USP25: variants seen among roughly 807,000 people sequenced by gnomAD.
The protein encoded by USP25 is ubiquitin carboxyl-terminal hydrolase 25.
A neutral mutation model predicts 158.5 loss-of-function variants in USP25; 85 were observed. The observed-to-expected ratio is 0.54, with a 90% CI of 0.45 to 0.64. The LOEUF (loss-of-function observed/expected upper bound fraction) is 0.64, where lower values mean the gene tolerates loss of function less well. Ranked by LOEUF, USP25 falls within the 30% of genes least tolerant of loss-of-function variation. The pLI is 0.00. For synonymous variants in USP25, 464 were observed against 460.4 expected (o/e 1.01, Z -0.10); for missense variants, 1,242 against 1,327.3 (o/e 0.94, Z 1.00).
intron 20 of USP25, among the ~76,000 whole-genome samples, chr21:15,854,112 G>A (rs1406290457): frequency 6.6e-6 from 1 of 151,912 alleles, no homozygotes; most frequent in Admixed American, 6.6e-5. Context: ...TGTGCTTAGT[G>A]TATTATAAAT....
chr21:15,783,932 T>C (rs1327685820), intron 4 of USP25, among the ~76,000 whole-genome samples: 1 of 152,010 alleles, frequency 6.6e-6, no homozygotes, highest in African/African-American at 2.4e-5. Context: ...ATCGCGCCAC[T>C]GCACTCCAGC....
At chr21:15,780,867 T>C (rs903404941) in intron 4 of USP25, among the ~76,000 whole-genome samples, 3 of 152,162 alleles carry the variant, frequency 2.0e-5, no homozygotes, top group African/African-American at 7.2e-5. Context: ...TAGAAATCTT[T>C]TAAAATTGAT....
chr21:15,850,882 A>C (rs554492279), intron 20 of USP25, among the ~76,000 whole-genome samples: 75 of 152,188 alleles, frequency 4.9e-4, no homozygotes, highest in African/African-American at 1.7e-3. Flanking sequence ...TACAGGATTT[A>C]AAGTGCTAAA....
chr21:15,818,258 TTTC>T (rs2037049984), intron 9 of USP25, among the ~76,000 whole-genome samples: 1 of 151,860 alleles, frequency 6.6e-6, no homozygotes, highest in African/African-American at 2.4e-5. Flanking sequence ...TCATCACAAC[TTTC>T]TTTTTATAAC....
chr21:15,867,482 GC>G (rs1452990790), intron 22 of USP25, among the ~76,000 whole-genome samples: 2 of 152,000 alleles, frequency 1.3e-5, no homozygotes, highest in African/African-American at 4.8e-5. Context: ...TAAAACTGCA[GC>G]AAATATATAG....
At chr21:15,762,703 C>CA (rs1034982743) in intron 1 of USP25, among the ~76,000 whole-genome samples, 188 bp from the exon 2 acceptor site, 19 of 152,168 alleles carry the variant, frequency 1.2e-4, no homozygotes, top group African/African-American at 4.6e-4. Context: ...GGGTTCTCCA[C>CA]AGCATGATTC....
intron 16 of USP25, among the ~76,000 whole-genome samples, chr21:15,832,708 C>T (rs2037862342): frequency 6.7e-6 from 1 of 149,542 alleles, no homozygotes. Flanking sequence ...TATTACATCA[C>T]TGTTAGAGTA....
In USP25 at chr21:15,842,494, C is replaced by T. The variant is rs1307315561; in HGVS notation, c.2291C>T (p.Ala764Val). Residue 764 changes from alanine (A) to valine (V), a missense_variant, in exon 18 of 26, where the codon GCA becomes GTA. Physicochemically the swap from Ala to Val is moderately conservative, Grantham distance 64. Transcript: ENST00000400183. The stretch of plus-strand genomic sequence containing the variant: ...GAAACTATTCAAATAATTACCAAGG[C>T]ATCACATGAGCATGAAGATAAAAGT... ...KEETIQIITK[A>V]SHEHEDKSPE... 2 of 1,613,620 alleles carry T rather than the reference C, an allele frequency of 1.2e-6. No individual in the cohort carries two copies. The highest frequency in any genetic ancestry group is 1.7e-6 in the Non-Finnish European group (2 of 1,179,762).
chr21:15,860,509 TTAG>T (rs1367759606), intron 20 of USP25, among the ~76,000 whole-genome samples: 2 of 152,128 alleles, frequency 1.3e-5, no homozygotes, highest in Non-Finnish European at 2.9e-5. Flanking sequence ...TATTCCCATA[TTAG>T]TATAGTTTTT....
At chr21:15,846,144 ATATATATATATATATT>A (rs1568882522) in intron 18 of USP25, among the ~76,000 whole-genome samples, 7 of 58,766 alleles carry the variant, frequency 1.2e-4, no homozygotes, top group African/African-American at 4.1e-4. Flanking sequence ...ATATATATAT[ATATATATATATATATT>A]TTTTTTTTTT....
chr21:15,868,530 C>A (rs1022138341), intron 22 of USP25, among the ~76,000 whole-genome samples: 4 of 152,126 alleles, frequency 2.6e-5, no homozygotes, highest in Admixed American at 2.6e-4. Context: ...AACTGCAGGG[C>A]TGTTAAATCA....
intron 3 of USP25, among the ~76,000 whole-genome samples, chr21:15,773,731 G>T (rs972976308): frequency 6.6e-6 from 1 of 152,042 alleles, no homozygotes; most frequent in Non-Finnish European, 1.5e-5. Context: ...GAGCTTTTGG[G>T]TACATAAAAT....
At chr21:15,773,694 C>T (rs2034484096) in intron 3 of USP25, among the ~76,000 whole-genome samples, 1 of 152,150 alleles carries the variant, frequency 6.6e-6, no homozygotes, top group Non-Finnish European at 1.5e-5. Flanking sequence ...GACCCCTTTA[C>T]ACTCATAAAA....
chr21:15,847,566 C>A, intron 18 of USP25, 97 bp from the exon 19 acceptor site: 1 of 778,782 alleles, frequency 1.3e-6, no homozygotes, highest in Non-Finnish European at 2.1e-6. Flanking sequence ...TACAGGGCTG[C>A]TGCTTAGGGA....
At chr21:15,808,748 C>A in intron 7 of USP25, 61 bp from the exon 8 acceptor site, 1 of 1,283,900 alleles carries the variant, frequency 7.8e-7, no homozygotes, top group South Asian at 1.4e-5. Flanking sequence ...TTTGATGTTA[C>A]AACATCTAGT....
chr21:15,866,476 A>G (rs555647998), intron 22 of USP25, 132 bp downstream of exon 22: 2 of 481,694 alleles, frequency 4.2e-6, no homozygotes, highest in South Asian at 6.6e-5. Context: ...TTCCAAGTCA[A>G]TGCTCAAGTA....
chr21:15,814,982 A>G (rs1276935252), intron 9 of USP25, among the ~76,000 whole-genome samples: 2 of 152,144 alleles, frequency 1.3e-5, no homozygotes, highest in Non-Finnish European at 2.9e-5. Flanking sequence ...GACCCAGAGA[A>G]GCCTAGGAGG....
At chr21:15,759,794 T>G (rs1342495042) in intron 1 of USP25, among the ~76,000 whole-genome samples, 1 of 152,176 alleles carries the variant, frequency 6.6e-6, no homozygotes, top group African/African-American at 2.4e-5. Context: ...AACCAGTCTT[T>G]CAGGTTAAAT....
intron 3 of USP25, among the ~76,000 whole-genome samples, chr21:15,776,362 T>C (rs2034656793): frequency 6.6e-6 from 1 of 152,162 alleles, no homozygotes; most frequent in Non-Finnish European, 1.5e-5. Context: ...ACCACTTCCT[T>C]CCATGATCAG....
Sources: allele counts gnomAD v4.1 joint callset (sites outside exome capture counted in the v4.1 genomes callset), GRCh38; gene constraint gnomAD v4.1.1; transcripts MANE v1.5; gene names NCBI Gene and HGNC (gene_info 2026-07-23, HGNC 2026-07-21).